PTPRE: variants seen among roughly 807,000 people sequenced by gnomAD.
PTPRE encodes the protein receptor-type tyrosine-protein phosphatase epsilon.
PTPRE carries 51 observed loss-of-function variants against 102.0 expected under a neutral mutation model. The ratio of observed to expected loss-of-function variants is 0.50; its 90% CI spans 0.40 to 0.63. The LOEUF is 0.63. PTPRE is among the 30% of genes least tolerant of loss of function. The probability of loss-of-function intolerance (pLI) is 0.00; values close to 1 mark genes in which losing one functional copy is unlikely to be tolerated. For synonymous variants in PTPRE, 345 were observed against 348.2 expected (o/e 0.99, Z 0.10); for missense variants, 752 against 915.1 (o/e 0.82, Z 2.30).
chr10:127,921,584 T>C (rs371707029), intron 1 of PTPRE, among the ~76,000 whole-genome samples: 1 of 152,186 alleles, frequency 6.6e-6, no homozygotes, highest in South Asian at 2.1e-4. Flanking sequence ...TGGACGTCTA[T>C]AGGGACTGGG....
intron 1 of PTPRE, among the ~76,000 whole-genome samples, chr10:127,922,256 G>A (rs1055790184): frequency 6.6e-6 from 1 of 152,244 alleles, no homozygotes; most frequent in Non-Finnish European, 1.5e-5. Flanking sequence ...TTTAACACAT[G>A]TGAATGGAAG....
chr10:127,924,619 C>T lies in PTPRE; in HGVS notation c.-31+17310C>T, dbSNP rs116610718. On this transcript the variant is annotated intron_variant, in intron 1 of 20. Coordinates refer to ENST00000254667, the MANE Select transcript of PTPRE (RefSeq NM_006504.6). Reference sequence around the variant, plus strand: ...AGGTAACAGTCAATGTGTTCCCCTCCGCCCAACTTCCCTCACTGTACTCAA... The same window carrying T: ...AGGTAACAGTCAATGTGTTCCCCTCTGCCCAACTTCCCTCACTGTACTCAA... Among the ~76,000 whole-genome samples the T allele has an allele frequency of 8.3e-3, 1,271 of 152,280 alleles. 12 individuals are homozygous for T. The highest frequency in any genetic ancestry group is 0.029 in the African/African-American group (1,197 of 41,540).
intron 2 of PTPRE, among the ~76,000 whole-genome samples, chr10:127,993,048 C>T (rs944636537): frequency 5.9e-5 from 9 of 151,978 alleles, no homozygotes; most frequent in South Asian, 2.1e-4. Context: ...GAAGTTGCCC[C>T]GGTCACAGAA....
intron 1 of PTPRE, among the ~76,000 whole-genome samples, chr10:127,926,561 G>A (rs886321992): frequency 1.3e-5 from 2 of 152,174 alleles, no homozygotes; most frequent in Admixed American, 1.3e-4. Flanking sequence ...ACAGCATGCC[G>A]GGAGAGGAGG....
rs895715504 is a variant in PTPRE at position 128,008,306 on chromosome 10, G to A, written c.-8+26010G>A. ...CTCCAGGTGCCTTTGCAGCCTCAGGGCATTCACACTGCACCTCTGGCCTCC... is the reference window on the plus strand; with the variant it reads ...CTCCAGGTGCCTTTGCAGCCTCAGGACATTCACACTGCACCTCTGGCCTCC... On this transcript the variant is annotated intron_variant, in intron 2 of 20. Coordinates refer to ENST00000254667, the MANE Select transcript of PTPRE (RefSeq NM_006504.6). The surrounding 1 kb of genome is among the most constrained non-coding windows in gnomAD (Gnocchi z 4.0). Among the ~76,000 whole-genome samples, 3 of 151,652 alleles carry A rather than the reference G, an allele frequency of 2.0e-5. No homozygotes were observed. The highest frequency in any genetic ancestry group is 6.6e-5 in the Admixed American group (1 of 15,226).
chr10:128,004,351 T>C (rs1373788282), intron 2 of PTPRE, among the ~76,000 whole-genome samples: 1 of 152,054 alleles, frequency 6.6e-6, no homozygotes, highest in Non-Finnish European at 1.5e-5. Context: ...CCATCACCTC[T>C]ACTTAGATAC....
Position 128,047,480 on chromosome 10 carries a change from A to G in PTPRE, c.200A>G (p.Tyr67Cys), listed in dbSNP as rs751780895. ...CTCCTCGTGCTCCTTCTCGCCGCCT[A>G]CTTCTTCAGGTAGGAGTGTCCCGGG... Reference protein sequence around the residue: ...LLLLVLLLAAYFFRFRKQRKA... With the variant: ...LLLLVLLLAACFFRFRKQRKA... The change falls in exon 4 of 21, where the codon TAC becomes TGC. Residue 67 changes from tyrosine (Y) to cysteine (C), a missense_variant. Physicochemically the swap from Tyr to Cys is radical, Grantham distance 194. Around this residue, in one of 2 missense-constraint regions of PTPRE, gnomAD observed 116 missense variants for 90.8 expected, o/e 1.28. Transcript: ENST00000254667. 1.2e-6 allele frequency: 2 copies of G among 1,613,156 alleles called. No homozygotes were observed. The highest frequency in any genetic ancestry group is 8.5e-7 in the Non-Finnish European group (1 of 1,179,962).
At chr10:128,055,424 C>G (rs1223995399) in intron 6 of PTPRE, among the ~76,000 whole-genome samples, 1 of 152,202 alleles carries the variant, frequency 6.6e-6, no homozygotes, top group Non-Finnish European at 1.5e-5. Flanking sequence ...ACTTCCCTGA[C>G]TGGGACAAAG....
intron 2 of PTPRE, among the ~76,000 whole-genome samples, chr10:128,000,253 C>G (rs565232694): frequency 2.0e-5 from 3 of 152,130 alleles, no homozygotes; most frequent in Non-Finnish European, 2.9e-5. Flanking sequence ...TGATACTTAA[C>G]GTATAAGTAA....
Position 128,040,962 on chromosome 10 carries a change from C to T in PTPRE, c.81C>T (p.Ala27=), listed in dbSNP as rs780342381. 1.7e-5 allele frequency: 28 copies of T among 1,613,928 alleles called. No homozygotes were observed. The highest frequency in any genetic ancestry group is 7.7e-5 in the South Asian group (7 of 91,070). Residue 27 remains alanine (A), a synonymous_variant, in exon 3 of 21, where the codon GCC becomes GCT. Coordinates refer to ENST00000254667, the MANE Select transcript of PTPRE (RefSeq NM_006504.6). ...CTCTCAGGGGCAACGAGACCACTGCCGACAGCAACGAGACAACCACGACCT... is the reference window on the plus strand; with the variant it reads ...CTCTCAGGGGCAACGAGACCACTGCTGACAGCAACGAGACAACCACGACCT... The part of the protein sequence containing the change: ...ARALRGNETT[A]DSNETTTTSG...
intron 2 of PTPRE, among the ~76,000 whole-genome samples, chr10:127,986,966 G>T (rs1266766712): frequency 6.6e-6 from 1 of 152,196 alleles, no homozygotes; most frequent in Non-Finnish European, 1.5e-5. Flanking sequence ...AGCACCAATG[G>T]ATTCCACGGG....
intron 16 of PTPRE, 79 bp downstream of exon 16, chr10:128,072,293 C>A: frequency 8.2e-7 from 1 of 1,221,336 alleles, no homozygotes; most frequent in Non-Finnish European, 1.2e-6. Flanking sequence ...AGCTTGTTTT[C>A]ACAATGAGAA....
rs761005798 is a variant in PTPRE, at chr10:128,047,764, G to T, written c.210G>T (p.Arg70Ser). The T allele has an allele frequency of 3.7e-6, 6 of 1,610,476 alleles. No homozygotes were observed. Among genetic ancestry groups the T allele is most frequent in the East Asian group, 2.2e-5 (1 of 44,722 alleles). The change falls in exon 5 of 21, where the codon AGG becomes AGT. Residue 70 changes from arginine (R) to serine (S), a missense_variant and splice_region_variant. Arg to Ser is a moderately radical substitution (Grantham distance 110). This residue lies in a region of PTPRE where 116 missense variants were observed against 90.8 expected (regional missense o/e 1.28). Transcript: ENST00000254667. The part of the protein sequence containing the change: ...LVLLLAAYFF[R>S]FRKQRKAVVS... ...ACCTAACGCATCCTGTGTCTCTAAG[G>T]TTCAGGAAGCAGAGGAAAGCTGTGG...
In PTPRE at chr10:127,943,563, G is replaced by A. The variant is rs559574770; in HGVS notation, c.-31+36254G>A. Among the ~76,000 whole-genome samples, 42 of 152,280 alleles carry A rather than the reference G, an allele frequency of 2.8e-4. 1 individual carries two copies. The highest frequency in any genetic ancestry group is 9.9e-4 in the African/African-American group (41 of 41,546). ...GACCCCACCCACAGTGAGACAATGC[G>A]GTGGTCATGGGGAAGCTCCACCCAC... On this transcript the variant is annotated intron_variant, in intron 1 of 20. Coordinates refer to ENST00000254667, the MANE Select transcript of PTPRE (RefSeq NM_006504.6).
intron 1 of PTPRE, among the ~76,000 whole-genome samples, chr10:127,946,526 A>G (rs1025069377): frequency 3.5e-5 from 4 of 114,118 alleles, no homozygotes; most frequent in African/African-American, 1.2e-4. Context: ...GGAGATATTC[A>G]TCAGACCTCG....
intron 3 of PTPRE, among the ~76,000 whole-genome samples, chr10:128,046,327 C>T (rs1391273007): frequency 3.3e-5 from 5 of 152,186 alleles, no homozygotes; most frequent in Admixed American, 3.3e-4. Flanking sequence ...GGAGGCCGTG[C>T]CAGCCCTCAG....
chr10:127,995,777 G>A (rs2135528894), intron 2 of PTPRE, among the ~76,000 whole-genome samples: 1 of 151,792 alleles, frequency 6.6e-6, no homozygotes, highest in African/African-American at 2.4e-5. Context: ...TCATTCTTAG[G>A]TGCCTCATTT....
chr10:128,061,123 T>G, intron 8 of PTPRE, 108 bp downstream of exon 8: 1 of 1,104,514 alleles, frequency 9.1e-7, no homozygotes, highest in African/African-American at 1.6e-5. Flanking sequence ...TTCTGGGCAG[T>G]TTGGCCACAA....
intron 1 of PTPRE, among the ~76,000 whole-genome samples, chr10:127,958,583 G>A (rs1274633007): frequency 1.3e-5 from 2 of 152,004 alleles, no homozygotes; most frequent in Non-Finnish European, 2.9e-5. Flanking sequence ...ATACATTTTG[G>A]ATTTGATTTG....
Sources: allele counts gnomAD v4.1 joint callset (sites outside exome capture counted in the v4.1 genomes callset), GRCh38; gene constraint gnomAD v4.1.1; regional missense constraint gnomAD v4.1.1; non-coding constraint Gnocchi (gnomAD v3.1); transcripts MANE v1.5; gene names NCBI Gene and HGNC (gene_info 2026-07-23, HGNC 2026-07-21).